Variants in CCDC158 observed in about 807,000 individuals in gnomAD.
CCDC158 encodes coiled-coil domain containing 158.
CCDC158 carries 116 observed loss-of-function variants against 138.6 expected under a neutral mutation model. That is an observed-to-expected ratio of 0.84 (90% CI 0.72 to 0.98). The LOEUF (loss-of-function observed/expected upper bound fraction) is 0.98. Ranked by LOEUF, CCDC158 falls within the 50% of genes least tolerant of loss-of-function variation. The probability of loss-of-function intolerance (pLI) is 0.00; values close to 1 mark genes in which losing one functional copy is unlikely to be tolerated. For missense variants in CCDC158, 1,265 were observed against 1,306.1 expected, an observed-to-expected ratio of 0.97 and a Z score of 0.48; for synonymous variants, 436 against 442.4, an observed-to-expected ratio of 0.99 and a Z score of 0.18.
chr4:76,411,603 G>A (rs777770755), intron 2 of CCDC158, among the ~76,000 whole-genome samples: 1 of 152,072 alleles, frequency 6.6e-6, no homozygotes. Flanking sequence ...AGCTACTTAC[G>A]ATCGCATTTC....
At chr4:76,379,948 C>G (rs781748839) in intron 8 of CCDC158, among the ~76,000 whole-genome samples, 3 of 152,080 alleles carry the variant, frequency 2.0e-5, no homozygotes, top group Non-Finnish European at 4.4e-5. Flanking sequence ...TATGGCACTT[C>G]CCCCCTTTCC....
intron 2 of CCDC158, among the ~76,000 whole-genome samples, chr4:76,407,823 G>C (rs1451405790): frequency 6.6e-6 from 1 of 152,136 alleles, no homozygotes; most frequent in Non-Finnish European, 1.5e-5. Flanking sequence ...GTAGAGAAAA[G>C]AAGAAAGAGG....
chr4:76,384,672 A>C lies in CCDC158; in HGVS notation c.289-7T>G. 2 of 1,595,272 alleles carry C rather than the reference A, an allele frequency of 1.3e-6. No homozygotes were observed. The highest frequency in any genetic ancestry group is 1.7e-6 in the Non-Finnish European group (2 of 1,166,502). On this transcript the variant is annotated splice_polypyrimidine_tract_variant and splice_region_variant and intron_variant, in intron 4 of 24. Coordinates refer to ENST00000682701, the MANE Select transcript of CCDC158 (RefSeq NM_001394954.1). ...TCTCATGCAATTCATTGCTCTGAAA[A>C]AAAAAGCCATGCAAATTAATCTTCA...
Position 76,369,615 on chromosome 4 carries a change from T to C in CCDC158, c.1158A>G (p.Leu386=). The part of the protein sequence containing the change: ...DDQLQKLLAD[L]HKREKELSLE... Reference sequence around the variant, plus strand: ...GACTCAGCTCCTTCTCCCTTTTGTGTAGATCAGCCTAAAAAAAGAGAGGAA... The same window carrying C: ...GACTCAGCTCCTTCTCCCTTTTGTGCAGATCAGCCTAAAAAAAGAGAGGAA... Residue 386 remains leucine, a synonymous_variant, in exon 11 of 25, where the codon CTA becomes CTG. Transcript: ENST00000682701. 4 of 1,613,934 alleles carry C rather than the reference T, an allele frequency of 2.5e-6. No homozygotes were observed. Among genetic ancestry groups the C allele is most frequent in the Non-Finnish European group, 3.4e-6 (4 of 1,179,908 alleles).
At chr4:76,408,178 G>GTATA (rs958501389) in intron 2 of CCDC158, among the ~76,000 whole-genome samples, 1 of 148,322 alleles carries the variant, frequency 6.7e-6, no homozygotes, top group African/African-American at 2.5e-5. Flanking sequence ...ATACATATAT[G>GTATA]TATATATATA....
At position 76,331,375 on chromosome 4, in the gene CCDC158, C is replaced by A. The variant is rs1373120103; in HGVS notation, c.2911G>T (p.Glu971Ter). 6.2e-7 allele frequency: 1 copy of A among 1,613,972 alleles called. No homozygotes were observed. Among genetic ancestry groups the A allele is most frequent in the Non-Finnish European group, 8.5e-7 (1 of 1,179,900 alleles). The change falls in exon 21 of 25, where the codon GAA (glutamate) becomes TAA (stop). Residue 971 changes from glutamate (E) to a stop codon, truncating the protein, a stop_gained. Transcript: ENST00000682701. LOFTEE classifies it high-confidence loss of function. ...AGAGTTTCACTTGATTTGCTTCCTT[C>A]AGTGGAGTCCCTCAACGAGTTGTTG... ...RSNNSLRDST[E>*]GSKSSETLSR...
intron 4 of CCDC158, among the ~76,000 whole-genome samples, chr4:76,392,684 G>A (rs1224573927): frequency 6.6e-6 from 1 of 151,934 alleles, no homozygotes; most frequent in African/African-American, 2.4e-5. Flanking sequence ...AATTGGAATG[G>A]AAGAAGTCAA....
chr4:76,349,916 G>T (rs1040484026), intron 18 of CCDC158, among the ~76,000 whole-genome samples: 5 of 152,120 alleles, frequency 3.3e-5, no homozygotes, highest in African/African-American at 1.2e-4. Flanking sequence ...AAAGATCAAG[G>T]TGCAATATAT....
intron 10 of CCDC158, among the ~76,000 whole-genome samples, chr4:76,370,490 A>G (rs1370153000): frequency 6.6e-6 from 1 of 152,158 alleles, no homozygotes; most frequent in Non-Finnish European, 1.5e-5. Flanking sequence ...TTTTGAGTTG[A>G]ACAGTGACAT....
In CCDC158 at chr4:76,344,740, A is replaced by G. The variant is rs1722381030; in HGVS notation, c.2664+6256T>C. On this transcript the variant is annotated intron_variant, in intron 18 of 24. Transcript: ENST00000682701. Reference sequence around the variant, plus strand: ...GTGTGGCTACATGACACTCTTATTGAAACAACAGACTATGCTGGGCTTATT... The same window carrying G: ...GTGTGGCTACATGACACTCTTATTGGAACAACAGACTATGCTGGGCTTATT... The G allele has an allele frequency of 9.3e-6, 15 of 1,613,770 alleles. No homozygotes were observed. In the South Asian group the frequency reaches 1.6e-4, roughly 18 times the overall value.
chr4:76,321,258 T>A (rs1719968964), intron 24 of CCDC158, among the ~76,000 whole-genome samples: 1 of 151,922 alleles, frequency 6.6e-6, no homozygotes, highest in African/African-American at 2.4e-5. Flanking sequence ...AAATATGACA[T>A]AAGTTAAAAA....
At chr4:76,389,393 G>T (rs950628663) in intron 4 of CCDC158, among the ~76,000 whole-genome samples, 3 of 151,730 alleles carry the variant, frequency 2.0e-5, no homozygotes, top group Non-Finnish European at 4.4e-5. Context: ...AGAAGACAGG[G>T]TATTTGAAAA....
At chr4:76,363,632 A>T (rs1391799289) in intron 12 of CCDC158, among the ~76,000 whole-genome samples, 2 of 152,056 alleles carry the variant, frequency 1.3e-5, no homozygotes, top group African/African-American at 2.4e-5. Flanking sequence ...TGTACAGGTA[A>T]CGTGTCTGGG....
Position 76,357,360 on chromosome 4 carries a change from C to T in CCDC158, c.2173+14G>A. 6 of 1,470,382 alleles carry T rather than the reference C, an allele frequency of 4.1e-6. No individual in the cohort carries two copies. The highest frequency in any genetic ancestry group is 5.4e-6 in the Non-Finnish European group (6 of 1,111,146). The allele number at this position is 1,470,382 out of a possible 1,614,324, so 91.1% of individuals were successfully genotyped here. On this transcript the variant is annotated intron_variant, in intron 14 of 24. Coordinates refer to ENST00000682701, the MANE Select transcript of CCDC158 (RefSeq NM_001394954.1). ...AAAAACAGAAGAAAAAATTTTAAAT[C>T]TAACAGAGCATACCATGACCATCAG...
At chr4:76,330,654 A>G (rs995377575) in intron 21 of CCDC158, among the ~76,000 whole-genome samples, 3 of 152,198 alleles carry the variant, frequency 2.0e-5, no homozygotes, top group Non-Finnish European at 4.4e-5. Flanking sequence ...TCTTGTCATT[A>G]TTCCCTAAAC....
intron 14 of CCDC158, among the ~76,000 whole-genome samples, chr4:76,356,332 G>A (rs1004709986): frequency 4.6e-5 from 7 of 151,578 alleles, no homozygotes; most frequent in Non-Finnish European, 1.0e-4. Flanking sequence ...TGATTAAGTG[G>A]ATCATGGTTG....
chr4:76,313,080 TAAAAA>T lies in CCDC158; in HGVS notation c.*85_*89del, dbSNP rs1719038635. 1.4e-6 allele frequency: 1 copy of T among 731,414 alleles called. No individual in the cohort carries two copies. Among genetic ancestry groups the T allele is most frequent in the Admixed American group, 3.4e-5 (1 of 29,542 alleles). 45.3% of individuals were successfully genotyped at this position (731,414 alleles called of 1,614,324 possible). ...GGGTATCTTTTATTAAATTTTCACA[TAAAAA>T]GAAAAAGTACACAGGGCACTAATTA... On this transcript the variant is annotated 3_prime_UTR_variant, in exon 25 of 25. Transcript: ENST00000682701.
Position 76,357,522 on chromosome 4 carries a change from C to A in CCDC158, c.2025G>T (p.Glu675Asp), listed in dbSNP as rs370593317. 4 of 1,538,940 alleles carry A rather than the reference C, an allele frequency of 2.6e-6. No individual in the cohort carries two copies. Among genetic ancestry groups the A allele is most frequent in the Non-Finnish European group, 3.5e-6 (4 of 1,139,458 alleles). The change falls in exon 14 of 25, where the codon GAG becomes GAT. Residue 675 changes from glutamate (E) to aspartate (D), a missense_variant. Transcript: ENST00000682701. Reference protein sequence around the residue: ...SRSELNNLSEEYEVLKRNFRN... With the variant: ...SRSELNNLSEDYEVLKRNFRN... ...GGAAATTCCTTTTTAAGACTTCATA[C>A]TCCTCTATACAATGTGATAATCAAT...
At chr4:76,388,378 C>T (rs911231370) in intron 4 of CCDC158, among the ~76,000 whole-genome samples, 1 of 152,058 alleles carries the variant, frequency 6.6e-6, no homozygotes, top group African/African-American at 2.4e-5. Context: ...GGGTGAGTTC[C>T]AGGCCTGGCA....
Sources: allele counts gnomAD v4.1 joint callset (sites outside exome capture counted in the v4.1 genomes callset), GRCh38; gene constraint gnomAD v4.1.1; transcripts MANE v1.5; gene names NCBI Gene and HGNC (gene_info 2026-07-23, HGNC 2026-07-21).